Variants in JAK2 observed in about 807,000 individuals in gnomAD.
The protein encoded by JAK2 is tyrosine-protein kinase JAK2.
A neutral mutation model predicts 139.3 loss-of-function variants in JAK2; 86 were observed. The observed-to-expected ratio is 0.62, with a 90% CI of 0.52 to 0.74. JAK2 has a LOEUF of 0.74. JAK2 is among the 30% of genes least tolerant of loss of function. The probability of loss-of-function intolerance (pLI) is 0.00; values close to 1 mark genes in which losing one functional copy is unlikely to be tolerated. For missense variants in JAK2, 1,421 were observed against 1,360.3 expected (o/e 1.04, Z -0.70); for synonymous variants, 490 against 437.7 (o/e 1.12, Z -1.49).
chr9:5,084,400 C>G (rs1180115909), intron 19 of JAK2, among the ~76,000 whole-genome samples: 2 of 152,098 alleles, frequency 1.3e-5, no homozygotes, highest in African/African-American at 4.8e-5. Flanking sequence ...TGCATGTCAC[C>G]TTTCCATTTT....
intron 22 of JAK2, among the ~76,000 whole-genome samples, chr9:5,104,270 A>C (rs1177012082): frequency 2.0e-5 from 3 of 152,228 alleles, no homozygotes; most frequent in Non-Finnish European, 4.4e-5. Context: ...CTACCATCAG[A>C]GAATACTATT....
In JAK2 at chr9:5,126,756, C is replaced by T. The variant is rs2130866142; in HGVS notation, c.3364C>T (p.Arg1122Ter). ...QRPSFRDLAL[R>*]VDQIRDNMAG is the part of the protein sequence containing the mutation. Reference sequence around the variant, plus strand: ...CCCCTCCTTTAGGGATCTAGCTCTTCGAGTGGATCAAATAAGGGATAACAT... The same window carrying T: ...CCCCTCCTTTAGGGATCTAGCTCTTTGAGTGGATCAAATAAGGGATAACAT... Residue 1122 changes from arginine to a stop codon, truncating the protein, a stop_gained, in exon 25 of 25, where the codon CGA becomes TGA. Coordinates refer to ENST00000381652, the MANE Select transcript of JAK2 (RefSeq NM_004972.4). LOFTEE classifies it high-confidence loss of function. 6.2e-7 allele frequency: 1 copy of T among 1,609,924 alleles called. No individual in the cohort carries two copies. The highest frequency in any genetic ancestry group is 8.5e-7 in the Non-Finnish European group (1 of 1,176,964).
At chr9:5,015,834 G>A (rs901628319) in intron 2 of JAK2, among the ~76,000 whole-genome samples, 27 of 152,138 alleles carry the variant, frequency 1.8e-4, no homozygotes, top group African/African-American at 6.5e-4. Flanking sequence ...GTTTAAGGCA[G>A]TGTGATTTCC....
At chr9:5,020,174 C>A (rs143579096) in intron 2 of JAK2, among the ~76,000 whole-genome samples, 9 of 152,048 alleles carry the variant, frequency 5.9e-5, no homozygotes, top group African/African-American at 2.2e-4. Flanking sequence ...TCGGCAGTGA[C>A]GGCGATTGGC....
chr9:5,092,749 A>T (rs1408637974), intron 22 of JAK2, among the ~76,000 whole-genome samples: 10 of 152,210 alleles, frequency 6.6e-5, no homozygotes. Flanking sequence ...CCTACGTGGC[A>T]AAATAGTGGG....
intron 8 of JAK2, among the ~76,000 whole-genome samples, chr9:5,060,097 TCTA>T (rs796599239): frequency 4.4e-4 from 67 of 152,324 alleles, no homozygotes; most frequent in African/African-American, 1.6e-3. Context: ...TATAATCAAG[TCTA>T]CTAAGTGTGC....
At chr9:5,024,898 G>T (rs1363145352) in intron 3 of JAK2, among the ~76,000 whole-genome samples, 1 of 152,190 alleles carries the variant, frequency 6.6e-6, no homozygotes, top group African/African-American at 2.4e-5. Flanking sequence ...CCAGGGACCA[G>T]AGTTTCACAC....
rs10283725 is a variant in JAK2, at chr9:5,075,757, T to A, written c.1865-1696T>A. On this transcript the variant is annotated intron_variant, in intron 14 of 24. Transcript: ENST00000381652. ...TTCTGTAGCCCATGGATCAAGGAGT[T>A]ATTTCAACTTTCAAGTCTTATTATC... Among the ~76,000 whole-genome samples the A allele has an allele frequency of 3.8e-3, 584 of 152,308 alleles. 4 individuals are homozygous for A. The highest frequency in any genetic ancestry group is 0.013 in the African/African-American group (546 of 41,574).
chr9:5,040,411 T>G (rs950251192), intron 4 of JAK2, among the ~76,000 whole-genome samples: 1 of 152,110 alleles, frequency 6.6e-6, no homozygotes, highest in South Asian at 2.1e-4. Flanking sequence ...TTCTTAGATA[T>G]GACACCAAAA....
intron 2 of JAK2, among the ~76,000 whole-genome samples, chr9:5,014,184 C>T (rs10974913): frequency 0.01 from 986 of 96,092 alleles, no homozygotes; most frequent in Non-Finnish European, 0.012. Flanking sequence ...TTTTTTTTTT[C>T]GTAGAGACAG....
At chr9:4,993,625 T>G (rs1169823050) in intron 2 of JAK2, among the ~76,000 whole-genome samples, 1 of 152,190 alleles carries the variant, frequency 6.6e-6, no homozygotes, top group African/African-American at 2.4e-5. Context: ...TCACTATCAT[T>G]TCTCTCACTT....
chr9:5,041,982 G>T, intron 4 of JAK2: 1 of 365,992 alleles, frequency 2.7e-6, no homozygotes. Flanking sequence ...GAGCGAGCTT[G>T]TGTGAGGGCC....
At chr9:5,092,954 C>A (rs1820700296) in intron 22 of JAK2, among the ~76,000 whole-genome samples, 1 of 152,260 alleles carries the variant, frequency 6.6e-6, no homozygotes, top group Non-Finnish European at 1.5e-5. Flanking sequence ...AATAACATCG[C>A]CATAGTTGGC....
intron 11 of JAK2, among the ~76,000 whole-genome samples, chr9:5,069,515 T>G (rs530726399): frequency 1.2e-4 from 18 of 152,090 alleles, no homozygotes; most frequent in Admixed American, 8.5e-4. Context: ...AAAATTTTCA[T>G]ATACTTCGAG....
rs1818603137 is a variant in JAK2 at position 5,066,768 on chromosome 9, T to C, written c.1305T>C (p.Tyr435=). 3 of 1,555,196 alleles carry C rather than the reference T, an allele frequency of 1.9e-6. No homozygotes were observed. The highest frequency in any genetic ancestry group is 2.4e-5 in the South Asian group (2 of 82,564). The change falls in exon 10 of 25, where the codon TAT becomes TAC. Residue 435 remains tyrosine, a synonymous_variant. Coordinates refer to ENST00000381652, the MANE Select transcript of JAK2 (RefSeq NM_004972.4). ...GCAGTCCTAAGGACTTTAATAAATA[T>C]TTTTTGACTTTTGCTGTCGAGGTTA... is the stretch of plus-strand genomic sequence containing the variant. ...LRCSPKDFNK[Y]FLTFAVEREN...
chr9:5,071,738 G>A (rs537985500), intron 12 of JAK2, among the ~76,000 whole-genome samples: 2 of 152,236 alleles, frequency 1.3e-5, no homozygotes, highest in South Asian at 4.1e-4. Context: ...TAGCCAGAAT[G>A]GTAAAGACAA....
intron 2 of JAK2, among the ~76,000 whole-genome samples, chr9:5,000,017 T>C (rs1018921290): frequency 6.6e-6 from 1 of 152,236 alleles, no homozygotes; most frequent in Non-Finnish European, 1.5e-5. Context: ...CATTTTTATG[T>C]ACTTTTCTCT....
At chr9:5,028,283 A>C (rs1377951335) in intron 3 of JAK2, among the ~76,000 whole-genome samples, 1 of 152,208 alleles carries the variant, frequency 6.6e-6, no homozygotes, top group South Asian at 2.1e-4. Flanking sequence ...TCAATGAGTA[A>C]TAATACTTGG....
rs1824064900 is a variant in JAK2 at position 5,127,298 on chromosome 9, T to C, written c.*507T>C. ...TTAATTACTTCACTATACAAACAAA[T>C]TAAGATGTTCAGATAATTGAATAAG... On this transcript the variant is annotated 3_prime_UTR_variant, in exon 25 of 25. Coordinates refer to ENST00000381652, the MANE Select transcript of JAK2 (RefSeq NM_004972.4). 8.6e-6 allele frequency: 2 copies of C among 232,172 alleles called. No individual in the cohort carries two copies. Among genetic ancestry groups the C allele is most frequent in the Non-Finnish European group, 1.7e-5 (2 of 117,104 alleles). 14.4% of individuals were successfully genotyped at this position (232,172 alleles called of 1,614,324 possible). A position where few individuals can be genotyped will look rare whatever the true frequency, so the allele number is the denominator to read the frequency against.
Sources: allele counts gnomAD v4.1 joint callset (sites outside exome capture counted in the v4.1 genomes callset), GRCh38; gene constraint gnomAD v4.1.1; transcripts MANE v1.5; gene names NCBI Gene and HGNC (gene_info 2026-07-23, HGNC 2026-07-21).